The following FCGR2A variants were observed in gnomAD, a reference collection of about 807,000 sequenced individuals.
FCGR2A encodes the protein Fc gamma receptor IIa.
Under a neutral mutation model 29.3 loss-of-function variants are expected in FCGR2A, and 18 were observed. That is an observed-to-expected ratio of 0.62 (90% CI 0.43 to 0.91). The LOEUF is 0.91. Ranked by LOEUF, FCGR2A falls within the 40% of genes least tolerant of loss-of-function variation. The pLI is 0.00. For synonymous variants in FCGR2A, 126 were observed against 144.8 expected, an observed-to-expected ratio of 0.87 and a Z score of 0.93; for missense variants, 287 against 393.0, an observed-to-expected ratio of 0.73 and a Z score of 2.28.
rs191864916 is a variant in FCGR2A, at chr1:161,506,845, C to T, written c.364+254C>T. The T allele has an allele frequency of 9.0e-5, 60 of 663,208 alleles. No individual in the cohort carries two copies. In the East Asian group the frequency reaches 1.6e-3, roughly 18 times the overall value. 41.1% of individuals were successfully genotyped at this position (663,208 alleles called of 1,614,324 possible). On this transcript the variant is annotated intron_variant, in intron 3 of 6. Coordinates refer to ENST00000271450, the MANE Select transcript of FCGR2A (RefSeq NM_001136219.3). ...CAGTCTTGATTGAGCAAGGGGGTTACGAGGCCACAAACAGCTGAGTGTGGG... is the reference window on the plus strand; with the variant it reads ...CAGTCTTGATTGAGCAAGGGGGTTATGAGGCCACAAACAGCTGAGTGTGGG...
At chr1:161,516,654 G>A (rs950122803) in intron 6 of FCGR2A, among the ~76,000 whole-genome samples, 20 of 151,502 alleles carry the variant, frequency 1.3e-4, no homozygotes, top group African/African-American at 4.4e-4. Flanking sequence ...TTTGATTTTC[G>A]GTAAAAATGG....
chr1:161,513,885 T>C lies in FCGR2A; in HGVS notation c.743-10T>C. The C allele has an allele frequency of 6.2e-7, 1 of 1,614,262 alleles. No individual in the cohort carries two copies. Among genetic ancestry groups the C allele is most frequent in the Non-Finnish European group, 8.5e-7 (1 of 1,180,046 alleles). ...AGTGCCCTGGCTAATCTTTTTCTTT[T>C]TCCCCACAGCCAATTCCACTGATCC... On this transcript the variant is annotated splice_polypyrimidine_tract_variant and intron_variant, in intron 5 of 6. Transcript: ENST00000271450.
intron 6 of FCGR2A, among the ~76,000 whole-genome samples, chr1:161,515,900 G>A (rs1245804229): frequency 6.6e-6 from 1 of 152,158 alleles, no homozygotes; most frequent in African/African-American, 2.4e-5. Context: ...TCTACCTCCA[G>A]ATGGTATTTA....
chr1:161,511,885 G>A (rs896994432), intron 5 of FCGR2A, among the ~76,000 whole-genome samples: 1 of 152,240 alleles, frequency 6.6e-6, no homozygotes, highest in Admixed American at 6.5e-5. Context: ...CTGGACCTGA[G>A]CCAGCGAGAA....
At chr1:161,511,082 T>C (rs1266971672) in intron 5 of FCGR2A, 126 bp downstream of exon 5, 1 of 1,406,718 alleles carries the variant, frequency 7.1e-7, no homozygotes, top group African/African-American at 1.4e-5. Context: ...ACCTTTTATT[T>C]ATTAGTTCAT....
Position 161,518,320 on chromosome 1 carries a change from C to G in FCGR2A, c.*172C>G. 1.1e-6 allele frequency: 1 copy of G among 951,344 alleles called. No individual in the cohort carries two copies. Among genetic ancestry groups the G allele is most frequent in the Non-Finnish European group, 1.5e-6 (1 of 647,634 alleles). The allele number at this position is 951,344 out of a possible 1,614,324, so 58.9% of individuals were successfully genotyped here. ...GCTTAAACTACAAACACAAGCAAAACTTCACGGGGTCATACTACATACAAG... is the reference window on the plus strand; with the variant it reads ...GCTTAAACTACAAACACAAGCAAAAGTTCACGGGGTCATACTACATACAAG... On this transcript the variant is annotated 3_prime_UTR_variant, in exon 7 of 7. Coordinates refer to ENST00000271450, the MANE Select transcript of FCGR2A (RefSeq NM_001136219.3).
intron 3 of FCGR2A, among the ~76,000 whole-genome samples, chr1:161,507,725 G>A (rs1175345599): frequency 6.6e-6 from 1 of 152,178 alleles, no homozygotes; most frequent in Admixed American, 6.5e-5. Context: ...GCTCCTCTCT[G>A]TATTGGCTTC....
chr1:161,520,838 C>T (rs1676424924), downstream of FCGR2A, among the ~76,000 whole-genome samples: 3 of 152,070 alleles, frequency 2.0e-5, no homozygotes, highest in Admixed American at 2.0e-4. Context: ...GGAGTAAAGG[C>T]TAGAGCTTTT....
chr1:161,508,086 C>CA (rs61414204), intron 3 of FCGR2A, among the ~76,000 whole-genome samples: 25,451 of 68,132 alleles, frequency 0.37, 6,219 homozygotes, highest in Non-Finnish European at 0.41. Context: ...AACTCTGTCT[C>CA]AAAAAAAAAA....
chr1:161,520,278 C>G (rs1676401643), downstream of FCGR2A, among the ~76,000 whole-genome samples: 1 of 152,126 alleles, frequency 6.6e-6, no homozygotes, highest in South Asian at 2.1e-4. Context: ...AGGAAACTTA[C>G]AATCACAGCA....
downstream of FCGR2A, chr1:161,523,927 C>G (rs115441089): frequency 2.6e-5 from 4 of 152,232 alleles, no homozygotes; most frequent in African/African-American, 7.2e-5. Flanking sequence ...CTACTGTCAG[C>G]TAAAGACCTG....
rs536717435 is a variant in FCGR2A at position 161,509,092 on chromosome 1, T to G, written c.365-728T>G. Among the ~76,000 whole-genome samples, 171 of 152,286 alleles carry G rather than the reference T, an allele frequency of 1.1e-3. 1 individual carries two copies. The highest frequency in any genetic ancestry group is 2.2e-3 in the Non-Finnish European group (151 of 68,024). Reference sequence around the variant, plus strand: ...GATTAGGTCATGAGGGCAGAGCCCTTATAAAAGAGGGCCGAGGGAGCTCAA... The same window carrying G: ...GATTAGGTCATGAGGGCAGAGCCCTGATAAAAGAGGGCCGAGGGAGCTCAA... On this transcript the variant is annotated intron_variant, in intron 3 of 6. Transcript: ENST00000271450.
rs901924178 is a variant in FCGR2A at position 161,510,683 on chromosome 1, T to C, written c.620-151T>C. ...CCAGTGAGGCTGGGGATGTGGTGAA[T>C]CTTGCATTGGTGAGTGACTCAGACA... On this transcript the variant is annotated intron_variant, in intron 4 of 6. Coordinates refer to ENST00000271450, the MANE Select transcript of FCGR2A (RefSeq NM_001136219.3). 5.8e-6 allele frequency: 6 copies of C among 1,028,568 alleles called. No homozygotes were observed. In the African/African-American group the frequency reaches 8.1e-5, roughly 14 times the overall value. The allele number at this position is 1,028,568 out of a possible 1,614,324, so 63.7% of individuals were successfully genotyped here.
intron 3 of FCGR2A, among the ~76,000 whole-genome samples, chr1:161,508,379 G>A (rs60574804): frequency 0.23 from 35,195 of 150,888 alleles, 5,181 homozygotes; most frequent in East Asian, 0.53. Context: ...ACTTGAGGTC[G>A]GGAGTTCGAG....
rs1256377356 is a variant in FCGR2A at position 161,509,803 on chromosome 1, A to G, written c.365-17A>G. 6.2e-7 allele frequency: 1 copy of G among 1,613,676 alleles called. No individual in the cohort carries two copies. The highest frequency in any genetic ancestry group is 1.1e-5 in the South Asian group (1 of 91,076). On this transcript the variant is annotated splice_polypyrimidine_tract_variant and intron_variant, in intron 3 of 6. Coordinates refer to ENST00000271450, the MANE Select transcript of FCGR2A (RefSeq NM_001136219.3). The stretch of plus-strand genomic sequence containing the variant: ...TCTATCCTTACAACTTTTTCTTATC[A>G]TATTTGTGTCTTTCAGAATGGCTGG...
At chr1:161,523,858 G>C (rs941768754), downstream of FCGR2A, 1 of 151,996 alleles carries the variant, frequency 6.6e-6, no homozygotes, top group African/African-American at 2.4e-5. Flanking sequence ...GCATTGGCCG[G>C]GAATCGAACC....
chr1:161,510,889 G>A lies in FCGR2A; in HGVS notation c.675G>A (p.Ala225=), dbSNP rs757723528. Residue 225 remains alanine (A), a synonymous_variant, in exon 5 of 7, where the codon GCG becomes GCA. Coordinates refer to ENST00000271450, the MANE Select transcript of FCGR2A (RefSeq NM_001136219.3). ...GGATCATTGTGGCTGTGGTCATTGC[G>A]ACTGCTGTAGCAGCCATTGTTGCTG... is the stretch of plus-strand genomic sequence containing the variant. ...PMGIIVAVVI[A]TAVAAIVAAV... 8.7e-6 allele frequency: 14 copies of A among 1,614,054 alleles called. No homozygotes were observed. Among genetic ancestry groups the A allele is most frequent in the South Asian group, 2.2e-5 (2 of 91,088 alleles).
intron 5 of FCGR2A, 119 bp from the exon 6 acceptor site, chr1:161,513,776 G>T: frequency 1.4e-6 from 2 of 1,442,408 alleles, no homozygotes; most frequent in East Asian, 2.3e-5. Flanking sequence ...ACAGGACTGT[G>T]TCAAGGGGTC....
chr1:161,512,782 T>C (rs1261805205), intron 5 of FCGR2A, among the ~76,000 whole-genome samples: 1 of 152,216 alleles, frequency 6.6e-6, no homozygotes, highest in African/African-American at 2.4e-5. Flanking sequence ...CTTGTTCAGC[T>C]GTGCTTGCAG....
Sources: gnomAD v4.1 joint callset for allele counts (sites outside exome capture counted in the v4.1 genomes callset) on GRCh38, gnomAD v4.1.1 for gene constraint, MANE v1.5 for transcripts, NCBI Gene and HGNC (gene_info 2026-07-23, HGNC 2026-07-21) for gene names.